CDC27: variants seen among roughly 807,000 people sequenced by gnomAD.
The protein encoded by CDC27 is cell division cycle protein 27 homolog.
Under a neutral mutation model 109.7 loss-of-function variants are expected in CDC27, and 27 were observed. That is an observed-to-expected ratio of 0.25 (90% CI 0.18 to 0.34). CDC27 has a LOEUF of 0.34. Among genes scored for constraint, CDC27 ranks in the 10% least tolerant of loss-of-function variants. CDC27 has a pLI of 1.00. For missense variants in CDC27, 579 were observed against 960.2 expected (o/e 0.60, Z 5.25); for synonymous variants, 266 against 333.9 (o/e 0.80, Z 2.22).
At chr17:47,186,893 CA>C (rs1292047148) in intron 1 of CDC27, among the ~76,000 whole-genome samples, 1 of 152,124 alleles carries the variant, frequency 6.6e-6, no homozygotes, top group Non-Finnish European at 1.5e-5. Flanking sequence ...CAAATACACG[CA>C]ATCTGTCATC....
rs779792842 is a variant in CDC27, at chr17:47,171,897, G to T, written c.251+20C>A. On this transcript the variant is annotated intron_variant, in intron 3 of 18. Transcript: ENST00000066544. ...CAGTGTAAGTAAAACAAAATAGCTA[G>T]AAAATATTTTAAAACTTACTTGCTG... The T allele has an allele frequency of 1.9e-6, 3 of 1,563,672 alleles. No homozygotes were observed. Among genetic ancestry groups the T allele is most frequent in the Non-Finnish European group, 2.6e-6 (3 of 1,155,820 alleles).
chr17:47,166,522 G>A (rs2063653162), intron 4 of CDC27, among the ~76,000 whole-genome samples: 1 of 152,058 alleles, frequency 6.6e-6, no homozygotes, highest in African/African-American at 2.4e-5. Flanking sequence ...ACTTTCGGCA[G>A]TTTTACCAAT....
At chr17:47,125,235 CTTTTTTTT>C (rs58631604) in intron 16 of CDC27, among the ~76,000 whole-genome samples, 140 of 48,028 alleles carry the variant, frequency 2.9e-3, no homozygotes, top group Non-Finnish European at 3.6e-3. Context: ...TTAAAGAAAT[CTTTTTTTT>C]TTTTTTTTTT....
At chr17:47,158,510 C>CA (rs1246677344) in intron 4 of CDC27, among the ~76,000 whole-genome samples, 1 of 152,144 alleles carries the variant, frequency 6.6e-6, no homozygotes, top group Non-Finnish European at 1.5e-5. Flanking sequence ...GCTTACAAAA[C>CA]AAACTATCGT....
chr17:47,130,914 A>G (rs2062308895), intron 15 of CDC27, among the ~76,000 whole-genome samples: 1 of 152,010 alleles, frequency 6.6e-6, no homozygotes, highest in African/African-American at 2.4e-5. Flanking sequence ...AGTGGGGTGA[A>G]TGAATGTATG....
At chr17:47,130,201 A>T (rs939877739) in intron 15 of CDC27, among the ~76,000 whole-genome samples, 6 of 152,092 alleles carry the variant, frequency 3.9e-5, no homozygotes, top group African/African-American at 1.2e-4. Flanking sequence ...CTCTACTAAA[A>T]ATACAAAAAA....
chr17:47,175,731 G>A (rs772550581), intron 2 of CDC27, among the ~76,000 whole-genome samples: 2 of 152,120 alleles, frequency 1.3e-5, no homozygotes, highest in South Asian at 2.1e-4. Context: ...TACAAGAATC[G>A]CTTGAACCTG....
intron 3 of CDC27, among the ~76,000 whole-genome samples, chr17:47,171,396 T>G (rs980501774): frequency 1.3e-5 from 2 of 152,230 alleles, no homozygotes; most frequent in African/African-American, 4.8e-5. Context: ...GTTTAGTCCC[T>G]TTTACCATTA....
At chr17:47,171,772 G>GGC (rs1299059558) in intron 3 of CDC27, 145 bp downstream of exon 3, 6 of 574,808 alleles carry the variant, frequency 1.0e-5, no homozygotes, top group Non-Finnish European at 1.8e-5. Context: ...TAATGCCATA[G>GGC]GCAACAGTGT....
intron 1 of CDC27, chr17:47,188,931 G>A (rs1465683185): frequency 7.2e-6 from 10 of 1,384,406 alleles, no homozygotes; most frequent in Non-Finnish European, 9.4e-6. Context: ...CGCCGAAGCC[G>A]CTCACGCTAA....
At chr17:47,149,491 C>T (rs2063085565) in intron 9 of CDC27, among the ~76,000 whole-genome samples, 1 of 117,626 alleles carries the variant, frequency 8.5e-6, no homozygotes, top group African/African-American at 3.4e-5. Flanking sequence ...AGCCTGGTGA[C>T]AGAGTGAGAC....
Position 47,137,184 on chromosome 17 carries a change from A to G in CDC27, c.1881T>C (p.Ala627=). The part of the protein sequence containing the change: ...LDKALACFRN[A]IRVNPRHYNA... Reference sequence around the variant, plus strand: ...TATAATGTCTAGGATTGACTCTGATAGCATTTCGAAAACAAGCTAATGCTT... The same window carrying G: ...TATAATGTCTAGGATTGACTCTGATGGCATTTCGAAAACAAGCTAATGCTT... Residue 627 remains alanine, a synonymous_variant, in exon 14 of 19, where the codon GCT becomes GCC. Coordinates refer to ENST00000066544, the MANE Select transcript of CDC27 (RefSeq NM_001256.6). The G allele has an allele frequency of 1.9e-6, 3 of 1,609,050 alleles. No individual in the cohort carries two copies. Among genetic ancestry groups the G allele is most frequent in the Non-Finnish European group, 2.5e-6 (3 of 1,178,168 alleles).
chr17:47,180,925 T>C (rs1598606311), intron 2 of CDC27, among the ~76,000 whole-genome samples: 1 of 114,216 alleles, frequency 8.8e-6, no homozygotes, highest in African/African-American at 3.5e-5. Context: ...TTCTTCACCA[T>C]AGAATACAGA....
intron 12 of CDC27, 111 bp from the exon 13 acceptor site, chr17:47,139,002 G>A: frequency 2.9e-6 from 2 of 681,722 alleles, no homozygotes; most frequent in Non-Finnish European, 4.7e-6. Flanking sequence ...CTTGTATTAT[G>A]GTTTTTATGT....
intron 4 of CDC27, chr17:47,159,063 TAC>T (rs973088995): frequency 1.9e-4 from 43 of 222,218 alleles, no homozygotes; most frequent in Middle Eastern, 3.1e-3. Flanking sequence ...TAATTTTTAA[TAC>T]AACATTCCCA....
intron 9 of CDC27, among the ~76,000 whole-genome samples, chr17:47,151,539 G>T (rs1041668223): frequency 1.3e-5 from 2 of 152,130 alleles, no homozygotes; most frequent in Admixed American, 6.5e-5. Flanking sequence ...TATAGAAAGG[G>T]TCATGTGCAT....
intron 5 of CDC27, among the ~76,000 whole-genome samples, chr17:47,157,652 G>T (rs2063359055): frequency 6.6e-6 from 1 of 152,144 alleles, no homozygotes; most frequent in Admixed American, 6.5e-5. Flanking sequence ...GCAGATTTCT[G>T]TGTTTGTTTT....
intron 4 of CDC27, chr17:47,159,779 C>A: frequency 2.3e-6 from 1 of 428,752 alleles, no homozygotes; most frequent in African/African-American, 2.0e-5. Flanking sequence ...GAGAGAGGCC[C>A]CCAGGAAAAA....
chr17:47,123,505 G>C (rs2062040988), intron 17 of CDC27, among the ~76,000 whole-genome samples: 1 of 150,558 alleles, frequency 6.6e-6, no homozygotes, highest in African/African-American at 2.4e-5. Context: ...CTGCCTCCCA[G>C]GTTCAAGTGA....
Sources: gnomAD v4.1 joint callset for allele counts (sites outside exome capture counted in the v4.1 genomes callset) on GRCh38, gnomAD v4.1.1 for gene constraint, MANE v1.5 for transcripts, NCBI Gene and HGNC (gene_info 2026-07-23, HGNC 2026-07-21) for gene names.